The following RNF144A variants were observed in gnomAD, a reference collection of about 807,000 sequenced individuals.
RNF144A encodes ring finger protein 144A.
A neutral mutation model predicts 38.7 loss-of-function variants in RNF144A; 11 were observed. That is an observed-to-expected ratio of 0.28 (90% confidence interval 0.18 to 0.47). RNF144A has a LOEUF of 0.47. RNF144A is among the 20% of genes least tolerant of loss of function. The pLI is 0.99. For missense variants in RNF144A, 316 were observed against 377.2 expected (o/e 0.84, Z 1.34); for synonymous variants, 149 against 143.9 (o/e 1.04, Z -0.25).
chr2:6,950,025 G>A (rs1395699583), intron 2 of RNF144A, among the ~76,000 whole-genome samples: 1 of 152,020 alleles, frequency 6.6e-6, no homozygotes, highest in Non-Finnish European at 1.5e-5. Flanking sequence ...GTCAGAACAG[G>A]ATTCTGCCAT....
At chr2:6,947,860 A>G (rs987511504) in intron 2 of RNF144A, among the ~76,000 whole-genome samples, 1 of 152,138 alleles carries the variant, frequency 6.6e-6, no homozygotes, top group African/African-American at 2.4e-5. Context: ...TCCCTCTTGG[A>G]TTTGTTCATT....
At chr2:7,006,759 A>G (rs896451693) in intron 3 of RNF144A, among the ~76,000 whole-genome samples, 6 of 135,322 alleles carry the variant, frequency 4.4e-5, no homozygotes, top group Non-Finnish European at 1.7e-5. Flanking sequence ...TGAAATAGAC[A>G]CTCAGTCTAT....
chr2:6,936,990 G>T (rs1229392079), intron 1 of RNF144A, among the ~76,000 whole-genome samples: 1 of 152,034 alleles, frequency 6.6e-6, no homozygotes, highest in East Asian at 1.9e-4. Context: ...TGAGCACATG[G>T]TCGGGGTGCA....
chr2:7,060,161 C>T (rs894231215), intron 6 of RNF144A, among the ~76,000 whole-genome samples: 1 of 152,066 alleles, frequency 6.6e-6, no homozygotes, highest in East Asian at 1.9e-4. Context: ...TCTTCTTCAT[C>T]TCCTCCTCTC....
At chr2:7,059,942 T>C (rs535864720) in intron 6 of RNF144A, among the ~76,000 whole-genome samples, 21 of 152,346 alleles carry the variant, frequency 1.4e-4, no homozygotes, top group African/African-American at 5.1e-4. Flanking sequence ...GTTGTGGACA[T>C]CTGAACCCAC....
At chr2:7,024,068 A>C (rs1258343563) in intron 6 of RNF144A, among the ~76,000 whole-genome samples, 1 of 152,228 alleles carries the variant, frequency 6.6e-6, no homozygotes, top group East Asian at 1.9e-4. Flanking sequence ...CGTTATAATA[A>C]GCCTTTCGCT....
At chr2:6,987,848 A>C (rs1669052628) in intron 2 of RNF144A, among the ~76,000 whole-genome samples, 1 of 152,210 alleles carries the variant, frequency 6.6e-6, no homozygotes, top group African/African-American at 2.4e-5. Flanking sequence ...GAAATGACTA[A>C]GAGCAGCTTT....
At chr2:7,006,974 A>G (rs1670483845) in intron 3 of RNF144A, among the ~76,000 whole-genome samples, 1 of 152,178 alleles carries the variant, frequency 6.6e-6, no homozygotes, top group African/African-American at 2.4e-5. Context: ...CAAGGGATGA[A>G]GGGCCACTCT....
intron 3 of RNF144A, among the ~76,000 whole-genome samples, chr2:7,010,401 G>A (rs1651765848): frequency 6.6e-6 from 1 of 152,182 alleles, no homozygotes; most frequent in South Asian, 2.1e-4. Context: ...TAATGTTTGT[G>A]TTAATAAATC....
At chr2:6,933,306 T>C (rs1665323765) in intron 1 of RNF144A, 1 of 152,166 alleles carries the variant, frequency 6.6e-6, no homozygotes. Context: ...TGTTCCTTCA[T>C]TATGGAGAAG....
At chr2:6,942,063 T>C (rs545616077) in intron 2 of RNF144A, among the ~76,000 whole-genome samples, 1 of 152,302 alleles carries the variant, frequency 6.6e-6, no homozygotes, top group Admixed American at 6.5e-5. Flanking sequence ...GAGAATAAAC[T>C]GTAGAAGGTG....
chr2:6,919,250 G>C (rs545449509), intron 1 of RNF144A, among the ~76,000 whole-genome samples: 2 of 152,288 alleles, frequency 1.3e-5, no homozygotes, highest in East Asian at 3.9e-4. Context: ...GCGCAGGAAG[G>C]GGGAGGGACA....
At chr2:6,982,255 C>T (rs1391511122) in intron 2 of RNF144A, among the ~76,000 whole-genome samples, 10 of 152,210 alleles carry the variant, frequency 6.6e-5, no homozygotes, top group Admixed American at 6.5e-4. Context: ...GTAAACCTTG[C>T]AGCTACTCGT....
At chr2:7,060,148 C>A (rs1344741348) in intron 6 of RNF144A, among the ~76,000 whole-genome samples, 1 of 152,106 alleles carries the variant, frequency 6.6e-6, no homozygotes, top group Non-Finnish European at 1.5e-5. Flanking sequence ...TGTGTCTCCT[C>A]TTTCTTCTTC....
Position 7,043,614 on chromosome 2 carries a change from A to C in RNF144A, c.*3854A>C. The C allele has an allele frequency of 1.0e-6, 1 of 985,706 alleles. No homozygotes were observed. The highest frequency in any genetic ancestry group is 1.2e-6 in the Non-Finnish European group (1 of 829,762). 61.1% of individuals were successfully genotyped at this position (985,706 alleles called of 1,614,324 possible). On this transcript the variant is annotated 3_prime_UTR_variant, in exon 9 of 9. Coordinates refer to ENST00000320892, the MANE Select transcript of RNF144A (RefSeq NM_014746.6). ...AAATAAACAAAATGAAGGGATTATG[A>C]CAGGTATTACCAAAAACACCAAAAG...
chr2:6,964,748 C>G (rs1442899446), intron 2 of RNF144A, among the ~76,000 whole-genome samples: 1 of 151,304 alleles, frequency 6.6e-6, no homozygotes, highest in Non-Finnish European at 1.5e-5. Context: ...CATATTCTCA[C>G]TCATAGGTGG....
chr2:7,031,402 T>C (rs1672294316), intron 8 of RNF144A, among the ~76,000 whole-genome samples: 1 of 152,182 alleles, frequency 6.6e-6, no homozygotes, highest in South Asian at 2.1e-4. Context: ...ACACAGAACC[T>C]AATAAATCAG....
intron 2 of RNF144A, among the ~76,000 whole-genome samples, chr2:6,966,727 C>T (rs930667370): frequency 1.3e-5 from 2 of 152,190 alleles, no homozygotes; most frequent in Admixed American, 1.3e-4. Flanking sequence ...GCGACTTCAA[C>T]TTTAATAGGA....
chr2:7,055,125 T>G (rs1378598022), intron 6 of RNF144A, among the ~76,000 whole-genome samples: 4 of 151,526 alleles, frequency 2.6e-5, no homozygotes, highest in Non-Finnish European at 5.9e-5. Context: ...CCCAGTTTCC[T>G]TCCCACCTTT....
Sources: allele counts gnomAD v4.1 joint callset (sites outside exome capture counted in the v4.1 genomes callset), GRCh38; gene constraint gnomAD v4.1.1; transcripts MANE v1.5; gene names NCBI Gene and HGNC (gene_info 2026-07-23, HGNC 2026-07-21).